The following MTMR9 variants were observed in gnomAD, a reference collection of about 807,000 sequenced individuals.
MTMR9 encodes the protein myotubularin-related protein 9.
Under a neutral mutation model 69.5 loss-of-function variants are expected in MTMR9, and 39 were observed. The observed-to-expected ratio is 0.56, with a 90% CI of 0.43 to 0.73. The LOEUF is 0.73. Among genes scored for constraint, MTMR9 ranks in the 30% least tolerant of loss-of-function variants. The probability of loss-of-function intolerance (pLI) is 0.00; values close to 1 mark genes in which losing one functional copy is unlikely to be tolerated. For synonymous variants in MTMR9, 354 were observed against 240.8 expected, an observed-to-expected ratio of 1.47 and a Z score of -4.35; for missense variants, 900 against 671.2, an observed-to-expected ratio of 1.34 and a Z score of -3.77.
the MTMR9 span, among the ~76,000 whole-genome samples, chr8:11,336,157 C>A: frequency 6.6e-6 from 1 of 152,170 alleles, no homozygotes; most frequent in Non-Finnish European, 1.5e-5. Context: ...GAAAAGAGTG[C>A]CATATCAAGA....
At chr8:11,306,524 A>T (rs756904384) in intron 5 of MTMR9, 117 bp downstream of exon 5, 11 of 850,436 alleles carry the variant, frequency 1.3e-5, no homozygotes, top group Middle Eastern at 3.5e-4. Flanking sequence ...TTTAGGGTCA[A>T]TGATGGGCTA....
At chr8:11,299,801 T>C (rs909488270) in intron 2 of MTMR9, among the ~76,000 whole-genome samples, 3 of 144,566 alleles carry the variant, frequency 2.1e-5, no homozygotes, top group Admixed American at 7.0e-5. Context: ...GTCAACACTT[T>C]TGAGTGTGTG....
At position 11,295,246 on chromosome 8, in the gene MTMR9, A is replaced by T. The variant is rs759875697; in HGVS notation, c.235A>T (p.Ile79Phe). The change falls in exon 2 of 10, where the codon ATT becomes TTT. Residue 79 changes from isoleucine to phenylalanine, a missense_variant. Physicochemically the swap from Ile to Phe is conservative, Grantham distance 21. Coordinates refer to ENST00000221086, the MANE Select transcript of MTMR9 (RefSeq NM_015458.4). Reference protein sequence around the residue: ...IIIKCKDFRIIQLDIPGMEEC... With the variant: ...IIIKCKDFRIFQLDIPGMEEC... The stretch of plus-strand genomic sequence containing the variant: ...CATAAAATGTAAAGATTTTCGAATT[A>T]TTCAGTTGGATATTCCTGGAATGGA... 2.0e-5 allele frequency: 33 copies of T among 1,612,000 alleles called. No homozygotes were observed. The highest frequency in any genetic ancestry group is 2.7e-5 in the Non-Finnish European group (32 of 1,178,662).
At chr8:11,302,202 G>T (rs1466765921) in intron 3 of MTMR9, among the ~76,000 whole-genome samples, 2 of 128,548 alleles carry the variant, frequency 1.6e-5, no homozygotes, top group Admixed American at 9.4e-5. Flanking sequence ...GCAGTGAGCA[G>T]TGATAATGCC....
At chr8:11,302,862 G>C (rs1387004750) in intron 3 of MTMR9, among the ~76,000 whole-genome samples, 1 of 152,054 alleles carries the variant, frequency 6.6e-6, no homozygotes, top group African/African-American at 2.4e-5. Flanking sequence ...AAGAGATGCA[G>C]TTAAAATGCA....
chr8:11,327,196 G>A lies in MTMR9; in HGVS notation c.*4408G>A, dbSNP rs1268820916. 6.6e-6 allele frequency: 1 copy of A among 152,130 alleles called. No homozygotes were observed. Among genetic ancestry groups the A allele is most frequent in the Non-Finnish European group, 1.5e-5 (1 of 68,020 alleles). The allele number at this position is 152,130 out of a possible 1,614,324, so 9.4% of individuals were successfully genotyped here. On this transcript the variant is annotated 3_prime_UTR_variant, in exon 10 of 10. Transcript: ENST00000221086. ...AAATTCTAGGACTGGATATTAAAAT[G>A]CCTGAACCTGTTATCTAAATCCTTT...
chr8:11,287,968 TTA>T (rs574594887), intron 1 of MTMR9, among the ~76,000 whole-genome samples: 76 of 124,028 alleles, frequency 6.1e-4, no homozygotes, highest in South Asian at 2.5e-3. Flanking sequence ...ATACTATGTA[TTA>T]TATATGTATT....
At chr8:11,310,757 A>G (rs1482570478) in intron 6 of MTMR9, among the ~76,000 whole-genome samples, 1 of 151,908 alleles carries the variant, frequency 6.6e-6, no homozygotes, top group Non-Finnish European at 1.5e-5. Flanking sequence ...TTATGAGTAC[A>G]GAGGCTTCTG....
chr8:11,292,036 G>A (rs953825245), intron 1 of MTMR9, among the ~76,000 whole-genome samples: 12 of 152,190 alleles, frequency 7.9e-5, no homozygotes, highest in East Asian at 5.8e-4. Context: ...GTGCCCTTTC[G>A]TAATCCCTTC....
rs565797619 is a variant in MTMR9, at chr8:11,322,905, A to G, written c.*117A>G. On this transcript the variant is annotated 3_prime_UTR_variant, in exon 10 of 10. Coordinates refer to ENST00000221086, the MANE Select transcript of MTMR9 (RefSeq NM_015458.4). Reference sequence around the variant, plus strand: ...TTGAAGTGAAGGCTTTAGATGTGGGACCCCCCTAATGTAATGGATTTCTCA... The same window carrying G: ...TTGAAGTGAAGGCTTTAGATGTGGGGCCCCCCTAATGTAATGGATTTCTCA... The G allele has an allele frequency of 7.2e-6, 6 of 835,644 alleles. No homozygotes were observed. In the East Asian group the frequency reaches 1.3e-4, roughly 18 times the overall value. 51.8% of individuals were successfully genotyped at this position (835,644 alleles called of 1,614,324 possible).
rs1192533821 is a variant in MTMR9, at chr8:11,285,057, G to A, written c.169G>A (p.Ala57Thr). The change falls in exon 1 of 10, where the codon GCC becomes ACC. Residue 57 changes from alanine (A) to threonine (T), a missense_variant. Ala to Thr is a moderately conservative substitution (Grantham distance 58). Transcript: ENST00000221086. ...ELWLLHSNID[A>T]IDKRFVGSLG... Reference sequence around the variant, plus strand: ...GTGGCTCCTCCATTCAAACATCGACGCCATCGACAAGCGGTGAGTGCCCGC... The same window carrying A: ...GTGGCTCCTCCATTCAAACATCGACACCATCGACAAGCGGTGAGTGCCCGC... 14 of 1,605,828 alleles carry A rather than the reference G, an allele frequency of 8.7e-6. No individual in the cohort carries two copies. The highest frequency in any genetic ancestry group is 1.2e-5 in the Non-Finnish European group (14 of 1,175,652).
intron 3 of MTMR9, among the ~76,000 whole-genome samples, chr8:11,302,873 A>G (rs948451309): frequency 1.3e-5 from 2 of 152,194 alleles, no homozygotes; most frequent in African/African-American, 4.8e-5. Context: ...TTAAAATGCA[A>G]CAAAGATTAT....
At chr8:11,300,169 T>A in intron 3 of MTMR9, 21 bp downstream of exon 3, 1 of 1,610,408 alleles carries the variant, frequency 6.2e-7, no homozygotes, top group Non-Finnish European at 8.5e-7. Flanking sequence ...TTTTGAGAAC[T>A]GTGGATTATG....
downstream of MTMR9, chr8:11,331,527 T>C (rs376733629): frequency 1.2e-6 from 2 of 1,613,866 alleles, no homozygotes; most frequent in Non-Finnish European, 1.7e-6. Flanking sequence ...TTCCACCGTA[T>C]GCTCCGCTGT....
Position 11,309,598 on chromosome 8 carries a change from G to T in MTMR9, c.881G>T (p.Arg294Leu). The stretch of plus-strand genomic sequence containing the variant: ...AATGACCAAACACATAACATGGACC[G>T]ATGGCTCAGTAAATTGGAGGCCTCT... ...ACNDQTHNMD[R>L]WLSKLEASNW... Residue 294 changes from arginine to leucine, a missense_variant, in exon 6 of 10, where the codon CGA becomes CTA. Coordinates refer to ENST00000221086, the MANE Select transcript of MTMR9 (RefSeq NM_015458.4). The T allele has an allele frequency of 1.9e-6, 3 of 1,613,916 alleles. No individual in the cohort carries two copies. The Middle Eastern group carries it at 5.0e-4, about 266-fold the overall frequency.
intron 6 of MTMR9, among the ~76,000 whole-genome samples, chr8:11,311,598 T>G (rs1800200157): frequency 6.6e-6 from 1 of 152,252 alleles, no homozygotes; most frequent in African/African-American, 2.4e-5. Context: ...TTTATTGGTA[T>G]TTGAGGTTAT....
chr8:11,319,166 C>T (rs1800554767), intron 8 of MTMR9: 1 of 151,838 alleles, frequency 6.6e-6, no homozygotes, highest in Non-Finnish European at 1.5e-5. Context: ...CCCTGGGGGT[C>T]TTTCCAGACA....
At chr8:11,304,820 G>A (rs1162713713) in intron 3 of MTMR9, 21 bp from the exon 4 acceptor site, 3 of 1,609,096 alleles carry the variant, frequency 1.9e-6, no homozygotes, top group Non-Finnish European at 8.5e-7. Context: ...GCTTAGCTTT[G>A]AAGTATTTTG....
At chr8:11,328,344 C>CGT (rs151066674), downstream of MTMR9, among the ~76,000 whole-genome samples, 20,484 of 90,874 alleles carry the variant, frequency 0.23, 1,603 homozygotes, top group Middle Eastern at 0.41. Flanking sequence ...TTTAATACCA[C>CGT]GTGTGTGTGT....
Sources: allele counts gnomAD v4.1 joint callset (sites outside exome capture counted in the v4.1 genomes callset), GRCh38; gene constraint gnomAD v4.1.1; transcripts MANE v1.5; gene names NCBI Gene and HGNC (gene_info 2026-07-23, HGNC 2026-07-21).